The following CSMD1 variants were observed in gnomAD, a reference collection of about 807,000 sequenced individuals.
CSMD1 encodes the protein CUB and Sushi multiple domains 1.
Under a neutral mutation model 417.5 loss-of-function variants are expected in CSMD1, and 213 were observed. The observed-to-expected ratio is 0.51, with a 90% CI of 0.46 to 0.57. CSMD1 has a LOEUF of 0.57. CSMD1 is among the 20% of genes least tolerant of loss of function. The pLI is 0.00. For synonymous variants in CSMD1, 2,862 were observed against 1,736.8 expected, an observed-to-expected ratio of 1.65 and a Z score of -16.11; for missense variants, 6,923 against 4,529.7, an observed-to-expected ratio of 1.53 and a Z score of -15.17.
chr8:3,662,858 G>C (rs926872056), intron 7 of CSMD1, among the ~76,000 whole-genome samples: 1 of 151,890 alleles, frequency 6.6e-6, no homozygotes, highest in Non-Finnish European at 1.5e-5. Context: ...GGAAAGAGGG[G>C]GGAGAGCATT....
rs887252733 is a variant in CSMD1, at chr8:3,199,901, C to T, written c.5099-92G>A. On this transcript the variant is annotated intron_variant, in intron 32 of 69. Coordinates refer to ENST00000635120, the MANE Select transcript of CSMD1 (RefSeq NM_033225.6). ...AAATGGTGATAAAGTTGAAATTTCA[C>T]ATTTATTTTTTGAACTTTTAAAACA... 5.7e-6 allele frequency: 4 copies of T among 701,426 alleles called. No individual in the cohort carries two copies. The African/African-American group carries it at 7.2e-5, about 13-fold the overall frequency. The allele number at this position is 701,426 out of a possible 1,614,324, so 43.5% of individuals were successfully genotyped here.
chr8:3,383,269 G>A (rs571485174), intron 18 of CSMD1, among the ~76,000 whole-genome samples: 10 of 152,190 alleles, frequency 6.6e-5, no homozygotes, highest in Non-Finnish European at 1.3e-4. Flanking sequence ...GCAGTTTACT[G>A]CATTTCAGTC....
intron 11 of CSMD1, among the ~76,000 whole-genome samples, chr8:3,470,285 T>A (rs1001913123): frequency 6.6e-6 from 1 of 152,352 alleles, no homozygotes; most frequent in Admixed American, 6.5e-5. Flanking sequence ...TACTTCAATT[T>A]CTACATAGAA....
intron 2 of CSMD1, among the ~76,000 whole-genome samples, chr8:4,561,671 G>A (rs186435276): frequency 5.3e-5 from 8 of 152,240 alleles, no homozygotes; most frequent in Non-Finnish European, 1.2e-4. Context: ...GACACAGTGA[G>A]ACTCTGTTAA....
chr8:3,210,558 T>C (rs1262198837), intron 30 of CSMD1, among the ~76,000 whole-genome samples: 1 of 69,974 alleles, frequency 1.4e-5, no homozygotes, highest in Non-Finnish European at 3.0e-5. Context: ...TGTGTATATA[T>C]GTATAATTCC....
intron 3 of CSMD1, among the ~76,000 whole-genome samples, chr8:4,102,701 C>T (rs889518884): frequency 6.6e-6 from 1 of 152,080 alleles, no homozygotes; most frequent in Non-Finnish European, 1.5e-5. Flanking sequence ...TAATGTTCTC[C>T]TAAAATGTAT....
chr8:4,197,290 T>G (rs982149891), intron 3 of CSMD1, among the ~76,000 whole-genome samples: 1 of 152,190 alleles, frequency 6.6e-6, no homozygotes, highest in African/African-American at 2.4e-5. Context: ...AGGCATTAAG[T>G]ATTATGATGG....
chr8:3,291,030 A>G (rs1311186835), intron 25 of CSMD1, among the ~76,000 whole-genome samples: 1 of 152,152 alleles, frequency 6.6e-6, no homozygotes, highest in Non-Finnish European at 1.5e-5. Context: ...AGTTTTTAGC[A>G]TGAAGGGTTG....
At chr8:4,317,018 A>T (rs981710059) in intron 3 of CSMD1, among the ~76,000 whole-genome samples, 1 of 152,174 alleles carries the variant, frequency 6.6e-6, no homozygotes, top group African/African-American at 2.4e-5. Flanking sequence ...CTGTTGGGGC[A>T]AAAAACTACA....
At chr8:4,648,495 A>T (rs945921849) in intron 1 of CSMD1, among the ~76,000 whole-genome samples, 15 of 152,038 alleles carry the variant, frequency 9.9e-5, no homozygotes, top group Non-Finnish European at 2.2e-4. Context: ...GCACACAAAC[A>T]CACACACACA....
chr8:3,874,932 G>A (rs939558646), intron 5 of CSMD1, among the ~76,000 whole-genome samples: 6 of 152,090 alleles, frequency 3.9e-5, no homozygotes, highest in African/African-American at 1.4e-4. Flanking sequence ...GAAGACCTTG[G>A]GGCCTGACAT....
At chr8:4,888,827 C>A (rs558016934) in intron 1 of CSMD1, among the ~76,000 whole-genome samples, 1 of 152,138 alleles carries the variant, frequency 6.6e-6, no homozygotes, top group African/African-American at 2.4e-5. Flanking sequence ...AAGAGACTTC[C>A]AATAGGCATC....
At chr8:3,503,736 G>C (rs1037102505) in intron 10 of CSMD1, among the ~76,000 whole-genome samples, 1 of 152,150 alleles carries the variant, frequency 6.6e-6, no homozygotes, top group Admixed American at 6.6e-5. Context: ...AGAAGACCTG[G>C]CTTAGTTTTC....
intron 9 of CSMD1, among the ~76,000 whole-genome samples, chr8:3,581,808 C>A (rs1285719856): frequency 6.6e-6 from 1 of 151,042 alleles, no homozygotes; most frequent in African/African-American, 2.4e-5. Flanking sequence ...TTTTTTTTTT[C>A]CTTTTTAGTT....
intron 9 of CSMD1, among the ~76,000 whole-genome samples, chr8:3,582,717 A>G (rs1800435419): frequency 6.6e-6 from 1 of 152,222 alleles, no homozygotes; most frequent in South Asian, 2.1e-4. Flanking sequence ...TATATAAAAT[A>G]TCTCATTATC....
chr8:3,846,562 T>C (rs753712037), intron 5 of CSMD1, among the ~76,000 whole-genome samples: 3 of 152,252 alleles, frequency 2.0e-5, no homozygotes, highest in African/African-American at 4.8e-5. Context: ...ATGAAATGTT[T>C]GACTTTAGAT....
intron 10 of CSMD1, among the ~76,000 whole-genome samples, chr8:3,513,338 AT>A (rs56387019): frequency 0.014 from 1,959 of 141,328 alleles, 8 homozygotes; most frequent in South Asian, 0.021. Context: ...TTGCCCACAG[AT>A]TTTTTTTTTT....
chr8:4,568,418 C>G (rs1052248904), intron 2 of CSMD1, among the ~76,000 whole-genome samples: 1 of 152,114 alleles, frequency 6.6e-6, no homozygotes, highest in Non-Finnish European at 1.5e-5. Flanking sequence ...TGGTTTCCAG[C>G]TTCACCCATG....
chr8:4,842,950 T>A (rs1490373033), intron 1 of CSMD1, among the ~76,000 whole-genome samples: 1 of 152,210 alleles, frequency 6.6e-6, no homozygotes, highest in Non-Finnish European at 1.5e-5. Context: ...TATGTGAAAA[T>A]CAGCAGATTC....
Sources: gnomAD v4.1 joint callset for allele counts (sites outside exome capture counted in the v4.1 genomes callset) on GRCh38, gnomAD v4.1.1 for gene constraint, MANE v1.5 for transcripts, NCBI Gene and HGNC (gene_info 2026-07-23, HGNC 2026-07-21) for gene names.